Variants in CTU2 observed in about 807,000 individuals in gnomAD.
CTU2 encodes cytosolic thiouridylase subunit 2.
In CTU2, 80 loss-of-function variants were observed where a neutral mutation model predicts 64.1. That is an observed-to-expected ratio of 1.25 (90% CI 1.04 to 1.50). The LOEUF (loss-of-function observed/expected upper bound fraction) is 1.50, where lower values mean the gene tolerates loss of function less well. Ranked by LOEUF, CTU2 falls within the 40% of genes most tolerant of loss-of-function variation. The probability of loss-of-function intolerance (pLI) is 0.00; values close to 1 mark genes in which losing one functional copy is unlikely to be tolerated. For synonymous variants in CTU2, 482 were observed against 285.3 expected, an observed-to-expected ratio of 1.69 and a Z score of -6.95; for missense variants, 1,110 against 690.2, an observed-to-expected ratio of 1.61 and a Z score of -6.81.
Position 88,709,748 on chromosome 16 carries a change from C to A in CTU2, c.144-190C>A, listed in dbSNP as rs1376936169. On this transcript the variant is annotated intron_variant, in intron 2 of 14. Coordinates refer to ENST00000453996, the MANE Select transcript of CTU2 (RefSeq NM_001012759.3). Reference sequence around the variant, plus strand: ...GGGAGGGGCCGGTGAGCCTCGTGTTCACCCTGAGGAAGCCACTGCCAGAGG... The same window carrying A: ...GGGAGGGGCCGGTGAGCCTCGTGTTAACCCTGAGGAAGCCACTGCCAGAGG... 4.9e-6 allele frequency: 3 copies of A among 606,778 alleles called. 1 individual carries two copies. In the Admixed American group the frequency reaches 8.7e-5, roughly 18 times the overall value. 37.6% of individuals were successfully genotyped at this position (606,778 alleles called of 1,614,324 possible). A position where few individuals can be genotyped will look rare whatever the true frequency, so the allele number is the denominator to read the frequency against.
chr16:88,708,955 G>A (rs1006951824), intron 2 of CTU2: 7 of 152,168 alleles, frequency 4.6e-5, no homozygotes, highest in African/African-American at 1.7e-4. Flanking sequence ...GTGAGCCAGA[G>A]TCAGATGGCT....
Position 88,714,239 on chromosome 16 carries a change from T to TGCGGGGGGTGC in CTU2, c.1097+13_1097+14insCGGGGGGTGCG. On this transcript the variant is annotated intron_variant, in intron 10 of 14. Transcript: ENST00000453996. ...AGCACTGTGTACAGGTGTGGGTGTGTGTGGGTGTGTGCGGGGGGTGCGCGG... is the reference window on the plus strand; with the variant it reads ...AGCACTGTGTACAGGTGTGGGTGTGTGCGGGGGGTGCGTGGGTGTGTGCGGGGGGTGCGCGG... The TGCGGGGGGTGC allele has an allele frequency of 6.2e-7, 1 of 1,602,392 alleles. No homozygotes were observed. Among genetic ancestry groups the TGCGGGGGGTGC allele is most frequent in the South Asian group, 1.1e-5 (1 of 90,484 alleles).
intron 1 of CTU2, 188 bp downstream of exon 1, chr16:88,706,786 C>T: frequency 1.9e-6 from 1 of 523,302 alleles, no homozygotes; most frequent in South Asian, 2.8e-5. Flanking sequence ...CACTGGCTCG[C>T]GCCTCTCATC....
At position 88,713,311 on chromosome 16, in the gene CTU2, G is replaced by A; in HGVS notation, c.738-1G>A. 1.3e-6 allele frequency: 2 copies of A among 1,580,520 alleles called. No individual in the cohort carries two copies. Among genetic ancestry groups the A allele is most frequent in the Middle Eastern group, 1.7e-4 (1 of 5,968 alleles). ...GGCCCCTGAGACGCTCTGTGCTTTA[G>A]GACCCACCTGATCCTCCACATGGCC... On this transcript the variant is annotated splice_acceptor_variant, in intron 7 of 14. Transcript: ENST00000453996. LOFTEE classifies it high-confidence loss of function.
chr16:88,707,028 C>A, intron 1 of CTU2, 108 bp from the exon 2 acceptor site: 1 of 1,128,140 alleles, frequency 8.9e-7, no homozygotes, highest in Non-Finnish European at 1.3e-6. Context: ...AGGTGCCTTT[C>A]TCTGACCCAA....
chr16:88,712,198 C>T (rs762086877), intron 5 of CTU2, 76 bp from the exon 6 acceptor site: 11 of 1,284,370 alleles, frequency 8.6e-6, no homozygotes, highest in Non-Finnish European at 1.2e-5. Flanking sequence ...AGGGTTTTCC[C>T]AGGTGGAGGT....
At chr16:88,712,220 C>G in intron 5 of CTU2, 54 bp from the exon 6 acceptor site, 2 of 1,478,320 alleles carry the variant, frequency 1.4e-6, no homozygotes, top group South Asian at 1.2e-5. Flanking sequence ...GCCCTGCAGC[C>G]TGCCCTGCCT....
Position 88,712,618 on chromosome 16 carries a change from G to C in CTU2, c.454-4G>C, listed in dbSNP as rs965185849. 6.2e-7 allele frequency: 1 copy of C among 1,609,010 alleles called. No homozygotes were observed. The highest frequency in any genetic ancestry group is 2.2e-5 in the East Asian group (1 of 44,856). The stretch of plus-strand genomic sequence containing the variant: ...CCTCACTGGCGTCTCCCTCATCCCG[G>C]AAGGTGTTCAGCCTGCCACCGTCGG... On this transcript the variant is annotated splice_region_variant and splice_polypyrimidine_tract_variant and intron_variant, in intron 6 of 14. Transcript: ENST00000453996.
At position 88,715,226 on chromosome 16, in the gene CTU2, G is replaced by C. The variant is rs1911879524; in HGVS notation, c.1523G>C (p.Ser508Thr). 6.2e-7 allele frequency: 1 copy of C among 1,612,296 alleles called. No individual in the cohort carries two copies. The highest frequency in any genetic ancestry group is 8.5e-7 in the Non-Finnish European group (1 of 1,179,898). ...QEIRDCLIED[S>T]DDEAGQS ...ATCCGGGACTGTCTGATTGAGGACA[G>C]TGACGACGAGGCGGGCCAGAGCTGA... Residue 508 changes from serine (S) to threonine (T), a missense_variant, in exon 15 of 15, where the codon AGT (serine) becomes ACT (threonine). Transcript: ENST00000453996.
At position 88,712,633 on chromosome 16, in the gene CTU2, GC is replaced by G. The variant is rs1567649202; in HGVS notation, c.467del (p.Pro156HisfsTer77). ...CCTCATCCCGGAAGGTGTTCAGCCT[GC>G]CACCGTCGGTGCTTTGGTGCTCTGC... is the stretch of plus-strand genomic sequence containing the variant. ...VVALEEVFSLPPSVLWCSAQE... is the reference protein window; with the variant it reads ...VVALEEVFSLXPSVLWCSAQE... On this transcript the variant is annotated frameshift_variant, in exon 7 of 15. Transcript: ENST00000453996. LOFTEE classifies it high-confidence loss of function. 1.2e-6 allele frequency: 2 copies of G among 1,609,976 alleles called. No homozygotes were observed. Among genetic ancestry groups the G allele is most frequent in the Non-Finnish European group, 1.7e-6 (2 of 1,179,370 alleles).
At chr16:88,706,980 T>G in intron 1 of CTU2, 156 bp from the exon 2 acceptor site, 1 of 711,940 alleles carries the variant, frequency 1.4e-6, no homozygotes, top group Non-Finnish European at 2.4e-6. Context: ...TTTCTTGAAG[T>G]TTGGACAGAA....
rs772251318 is a variant in CTU2 at position 88,713,747 on chromosome 16, C to A, written c.974C>A (p.Pro325His). 1.9e-6 allele frequency: 3 copies of A among 1,612,738 alleles called. No homozygotes were observed. The highest frequency in any genetic ancestry group is 2.2e-5 in the South Asian group (2 of 91,090). ...VAFYNRLFSV[P>H]SVFTPAVDTK... ...TTCTACAACCGCCTGTTCTCCGTTC[C>A]TTCTGTCTTCACACCAGCCGTCGAC... The change falls in exon 9 of 15, where the codon CCT becomes CAT. Residue 325 changes from proline to histidine, a missense_variant. By Grantham distance (77) the Pro-to-His change is moderately conservative. Transcript: ENST00000453996.
At chr16:88,713,558 G>A (rs1182115670) in intron 8 of CTU2, 89 bp from the exon 9 acceptor site, 5 of 1,560,702 alleles carry the variant, frequency 3.2e-6, no homozygotes, top group Non-Finnish European at 4.3e-6. Flanking sequence ...GGATGGTGGT[G>A]GGGTCTGTGA....
intron 12 of CTU2, 31 bp from the exon 13 acceptor site, chr16:88,714,829 G>A: frequency 1.2e-6 from 2 of 1,612,290 alleles, no homozygotes; most frequent in East Asian, 2.2e-5. Context: ...GAGGTGCCAA[G>A]GTGGGCACAC....
intron 2 of CTU2, chr16:88,709,513 G>A (rs112602699): frequency 0.023 from 3,925 of 168,660 alleles, 154 homozygotes; most frequent in African/African-American, 0.089. Flanking sequence ...GCTGTGGCCC[G>A]CTCCATTTCC....
At position 88,711,806 on chromosome 16, in the gene CTU2, G is replaced by A. The variant is rs1200123375; in HGVS notation, c.343+111G>A. The A allele has an allele frequency of 6.8e-6, 7 of 1,023,560 alleles. No individual in the cohort carries two copies. In the East Asian group the frequency reaches 1.7e-4, roughly 26 times the overall value. The allele number at this position is 1,023,560 out of a possible 1,614,324, so 63.4% of individuals were successfully genotyped here. ...GTGCCGGTCCTCCCTCTGGTAGGAT[G>A]TGTTGAGCTACTGGTGCTGCCCCTG... On this transcript the variant is annotated intron_variant, in intron 5 of 14. Coordinates refer to ENST00000453996, the MANE Select transcript of CTU2 (RefSeq NM_001012759.3).
chr16:88,712,899 C>G lies in CTU2; in HGVS notation c.731C>G (p.Thr244Ser), dbSNP rs568660732. ...ACTGCCAAGGAGGAGCTTCTGCAGA[C>G]CCTGCGGTGAGGCCCCGAGAGCCCC... ...TLTAKEELLQ[T>S]LRTHLILHMA... Residue 244 changes from threonine (T) to serine (S), a missense_variant, in exon 7 of 15, where the codon ACC becomes AGC. By Grantham distance (58) the Thr-to-Ser change is moderately conservative (BLOSUM62 1). Transcript: ENST00000453996. The G allele has an allele frequency of 4.6e-6, 7 of 1,517,656 alleles. No homozygotes were observed. In the East Asian group the frequency reaches 1.6e-4, roughly 35 times the overall value. The allele number at this position is 1,517,656 out of a possible 1,614,324, so 94.0% of individuals were successfully genotyped here.
At chr16:88,707,556 T>G (rs547372399) in intron 2 of CTU2, among the ~76,000 whole-genome samples, 4 of 152,216 alleles carry the variant, frequency 2.6e-5, no homozygotes, top group African/African-American at 9.6e-5. Flanking sequence ...TCAGAGCATC[T>G]TGGGAACTTG....
chr16:88,714,960 TGGGGACGC>T (rs779883132), intron 13 of CTU2, 34 bp downstream of exon 13: 1 of 1,601,388 alleles, frequency 6.2e-7, no homozygotes, highest in Non-Finnish European at 8.5e-7. Flanking sequence ...GGGCCGGGCT[TGGGGACGC>T]GGGAAGGCCG....
Sources: allele counts gnomAD v4.1 joint callset (sites outside exome capture counted in the v4.1 genomes callset), GRCh38; gene constraint gnomAD v4.1.1; transcripts MANE v1.5; gene names NCBI Gene and HGNC (gene_info 2026-07-23, HGNC 2026-07-21).